Variants in KYNU observed in about 807,000 individuals in gnomAD.
KYNU encodes the protein kynureninase.
In KYNU, 54 loss-of-function variants were observed where a neutral mutation model predicts 59.2. The observed-to-expected ratio is 0.91, with a 90% CI of 0.73 to 1.14. The LOEUF (loss-of-function observed/expected upper bound fraction) is 1.14. Ranked by LOEUF, KYNU falls within the 50% of genes most tolerant of loss-of-function variation. The probability of loss-of-function intolerance (pLI) is 0.00; values close to 1 mark genes in which losing one functional copy is unlikely to be tolerated. For missense variants in KYNU, 567 were observed against 554.4 expected (o/e 1.02, Z -0.23); for synonymous variants, 177 against 192.0 (o/e 0.92, Z 0.65).
intron 10 of KYNU, among the ~76,000 whole-genome samples, chr2:143,028,639 A>C (rs1239319540): frequency 3.3e-5 from 5 of 151,212 alleles, no homozygotes; most frequent in African/African-American, 9.7e-5. Context: ...TGAGGTCGGG[A>C]GTTCAAGACC....
intron 3 of KYNU, among the ~76,000 whole-genome samples, chr2:142,920,685 G>C (rs1392346914): frequency 1.3e-5 from 2 of 152,174 alleles, no homozygotes; most frequent in Non-Finnish European, 2.9e-5. Context: ...CAGAAAGGCT[G>C]TATATTTTAA....
At chr2:142,918,960 T>C (rs1217136690) in intron 3 of KYNU, among the ~76,000 whole-genome samples, 1 of 152,248 alleles carries the variant, frequency 6.6e-6, no homozygotes, top group Non-Finnish European at 1.5e-5. Flanking sequence ...CTATGCCATA[T>C]ACTTTAAATA....
intron 10 of KYNU, among the ~76,000 whole-genome samples, chr2:143,007,167 T>G (rs1685935487): frequency 6.6e-6 from 1 of 151,170 alleles, no homozygotes; most frequent in South Asian, 2.1e-4. Flanking sequence ...GAAAAAAATT[T>G]AGAAGAATGT....
intron 8 of KYNU, among the ~76,000 whole-genome samples, chr2:142,983,211 T>C (rs1057511922): frequency 9.2e-5 from 14 of 151,946 alleles, no homozygotes; most frequent in Admixed American, 9.2e-4. Context: ...TGAGTTCAGG[T>C]GAGGATGATT....
intron 1 of KYNU, among the ~76,000 whole-genome samples, chr2:142,884,602 ATTGGGAACTTACTCTGTCCTGAGCACTAT>A (rs1329582314): frequency 2.7e-5 from 4 of 147,904 alleles, no homozygotes; most frequent in African/African-American, 1.0e-4. Flanking sequence ...GCTAACATTT[ATTGGGAACTTACTCTGTCCTGAGCACTAT>A]TATCTAATTT....
intron 5 of KYNU, among the ~76,000 whole-genome samples, chr2:142,955,745 T>C (rs1684140627): frequency 6.6e-6 from 1 of 152,066 alleles, no homozygotes. Flanking sequence ...CTCTAGGAAC[T>C]GTGTGGAGAA....
At chr2:142,884,063 T>C (rs1681404506) in intron 1 of KYNU, among the ~76,000 whole-genome samples, 2 of 152,208 alleles carry the variant, frequency 1.3e-5, no homozygotes, top group South Asian at 4.1e-4. Flanking sequence ...ACAAACAAGC[T>C]TGGGTGAAGT....
chr2:142,885,280 T>G lies in KYNU; in HGVS notation c.-19-69T>G. 3 of 1,277,654 alleles carry G rather than the reference T, an allele frequency of 2.3e-6. No individual in the cohort carries two copies. In the South Asian group the frequency reaches 3.8e-5, roughly 16 times the overall value. 79.1% of individuals were successfully genotyped at this position (1,277,654 alleles called of 1,614,324 possible). A position where few individuals can be genotyped will look rare whatever the true frequency, so the allele number is the denominator to read the frequency against. On this transcript the variant is annotated intron_variant, in intron 1 of 13. Transcript: ENST00000264170. ...AGTCTTAGTGAAAACAAAAGGTGTATTACCTAAAGGGCTCATTTTCTACAG... is the reference window on the plus strand; with the variant it reads ...AGTCTTAGTGAAAACAAAAGGTGTAGTACCTAAAGGGCTCATTTTCTACAG...
rs1687221182 is a variant in KYNU at position 143,049,159 on chromosome 2, G to A, written c.*6987G>A. ...TAGAATTTTTCACTCTCTCCTTTAT[G>A]CCTTTAACTTCATATTTTCTATTTC... On this transcript the variant is annotated 3_prime_UTR_variant, in exon 14 of 14. Transcript: ENST00000264170. 6.6e-6 allele frequency: 1 copy of A among 151,850 alleles called. No individual in the cohort carries two copies. The highest frequency in any genetic ancestry group is 1.5e-5 in the Non-Finnish European group (1 of 67,976). 9.4% of individuals were successfully genotyped at this position (151,850 alleles called of 1,614,324 possible). A position where few individuals can be genotyped will look rare whatever the true frequency, so the allele number is the denominator to read the frequency against.
chr2:143,006,376 T>G (rs1422593945), intron 10 of KYNU, among the ~76,000 whole-genome samples: 1 of 151,764 alleles, frequency 6.6e-6, no homozygotes, highest in African/African-American at 2.4e-5. Flanking sequence ...ACCACGAGAT[T>G]ATATCCCACA....
intron 2 of KYNU, among the ~76,000 whole-genome samples, chr2:142,914,262 T>C (rs866346396): frequency 1.9e-4 from 29 of 152,248 alleles, no homozygotes; most frequent in Admixed American, 9.8e-4. Flanking sequence ...CCCAGGTCTG[T>C]ACTGGTCCCA....
At chr2:143,030,877 CACTT>C (rs1455126674) in intron 11 of KYNU, among the ~76,000 whole-genome samples, 1 of 152,102 alleles carries the variant, frequency 6.6e-6, no homozygotes, top group Non-Finnish European at 1.5e-5. Flanking sequence ...ACATTCAAAA[CACTT>C]ACATAGCCTA....
At chr2:142,998,567 A>T (rs1304687449) in intron 10 of KYNU, among the ~76,000 whole-genome samples, 2 of 152,212 alleles carry the variant, frequency 1.3e-5, no homozygotes, top group Non-Finnish European at 2.9e-5. Context: ...CTTGTAACAG[A>T]TGAGTGATAT....
At position 142,936,565 on chromosome 2, in the gene KYNU, T is replaced by A. The variant is rs1358608978; in HGVS notation, c.373+8824T>A. ...GGAGTGATCGTCACTGCTGCCTTTTTCGTTCCCGGAATGGGATCAGTTGGC... is the reference window on the plus strand; with the variant it reads ...GGAGTGATCGTCACTGCTGCCTTTTACGTTCCCGGAATGGGATCAGTTGGC... On this transcript the variant is annotated intron_variant, in intron 4 of 13. Coordinates refer to ENST00000264170, the MANE Select transcript of KYNU (RefSeq NM_003937.3). Among the ~76,000 whole-genome samples, 4 of 152,196 alleles carry A rather than the reference T, an allele frequency of 2.6e-5. No homozygotes were observed. The East Asian group carries it at 7.7e-4, about 29-fold the overall frequency.
At chr2:142,945,924 G>T (rs1023510999) in intron 4 of KYNU, among the ~76,000 whole-genome samples, 10 of 151,822 alleles carry the variant, frequency 6.6e-5, no homozygotes, top group African/African-American at 2.4e-4. Context: ...TTTTAGTAGA[G>T]GTGGGGTTTC....
chr2:142,926,279 A>T (rs996789206), intron 3 of KYNU, among the ~76,000 whole-genome samples: 6 of 148,614 alleles, frequency 4.0e-5, no homozygotes, highest in Admixed American at 4.0e-4. Context: ...AAAGTATAAT[A>T]AAAAAAAAAG....
chr2:143,041,107 A>G (rs1687029779), intron 13 of KYNU, among the ~76,000 whole-genome samples: 2 of 152,058 alleles, frequency 1.3e-5, no homozygotes, highest in Admixed American at 1.3e-4. Flanking sequence ...ACTTCTGTCA[A>G]AAAAGATATA....
chr2:143,004,657 C>T (rs1410683008), intron 10 of KYNU, among the ~76,000 whole-genome samples: 2 of 152,172 alleles, frequency 1.3e-5, no homozygotes, highest in Non-Finnish European at 2.9e-5. Context: ...GCCAAGATGG[C>T]ACCACTGCAC....
chr2:143,013,665 T>C (rs1003978452), intron 10 of KYNU, among the ~76,000 whole-genome samples: 3 of 152,246 alleles, frequency 2.0e-5, no homozygotes, highest in Admixed American at 2.0e-4. Context: ...TTTGGTCTTG[T>C]AACTTCTAGG....
Sources: gnomAD v4.1 joint callset for allele counts (sites outside exome capture counted in the v4.1 genomes callset) on GRCh38, gnomAD v4.1.1 for gene constraint, MANE v1.5 for transcripts, NCBI Gene and HGNC (gene_info 2026-07-23, HGNC 2026-07-21) for gene names.